CDH13: variants seen among roughly 807,000 people sequenced by gnomAD.
The protein encoded by CDH13 is cadherin-13.
In CDH13, 24 loss-of-function variants were observed where a neutral mutation model predicts 63.8. That is an observed-to-expected ratio of 0.38 (90% confidence interval 0.27 to 0.53). CDH13 has a LOEUF of 0.53. Among genes scored for constraint, CDH13 ranks in the 20% least tolerant of loss-of-function variants. CDH13 has a pLI of 0.85. For synonymous variants in CDH13, 503 were observed against 355.3 expected, an observed-to-expected ratio of 1.42 and a Z score of -4.67; for missense variants, 1,049 against 903.1, an observed-to-expected ratio of 1.16 and a Z score of -2.07.
chr16:83,054,418 TG>T (rs1255292476), intron 3 of CDH13, among the ~76,000 whole-genome samples: 1 of 152,240 alleles, frequency 6.6e-6, no homozygotes, highest in African/African-American at 2.4e-5. Flanking sequence ...ATACAAGCAC[TG>T]ATATCTCAGC....
chr16:83,429,511 GACACACAC>G (rs71148834), intron 6 of CDH13, among the ~76,000 whole-genome samples: 2 of 149,022 alleles, frequency 1.3e-5, no homozygotes, highest in African/African-American at 2.5e-5. Flanking sequence ...AGACAATGAA[GACACACAC>G]ACACACACAC....
chr16:83,376,662 A>G (rs2091464706), intron 6 of CDH13, among the ~76,000 whole-genome samples: 2 of 152,186 alleles, frequency 1.3e-5, no homozygotes, highest in African/African-American at 4.8e-5. Flanking sequence ...GATGGTGAGC[A>G]TGAGACATGC....
chr16:82,816,233 C>A (rs2037702432), intron 1 of CDH13, among the ~76,000 whole-genome samples: 1 of 152,126 alleles, frequency 6.6e-6, no homozygotes, highest in Non-Finnish European at 1.5e-5. Context: ...CCTTGTTCTT[C>A]CCACTATCTT....
chr16:83,003,663 G>C (rs1321874667), intron 2 of CDH13, among the ~76,000 whole-genome samples: 1 of 152,152 alleles, frequency 6.6e-6, no homozygotes, highest in African/African-American at 2.4e-5. Context: ...TGGAGAGACA[G>C]GTGGATGAAC....
chr16:83,170,988 G>T (rs184421490), intron 4 of CDH13, among the ~76,000 whole-genome samples: 3 of 151,652 alleles, frequency 2.0e-5, no homozygotes, highest in African/African-American at 4.9e-5. Context: ...CTTTTTACCC[G>T]CCCGCCTCCT....
At chr16:83,645,585 A>G (rs72795359) in intron 8 of CDH13, among the ~76,000 whole-genome samples, 18,532 of 151,388 alleles carry the variant, frequency 0.12, 1,283 homozygotes, top group East Asian at 0.21. Context: ...GTACTCCATC[A>G]GAACACCCCC....
At chr16:82,627,708 C>A (rs1046247638) in intron 1 of CDH13, among the ~76,000 whole-genome samples, 1 of 152,238 alleles carries the variant, frequency 6.6e-6, no homozygotes, top group East Asian at 2.0e-4. Context: ...AGCCTCAGCC[C>A]GGCTGCTGCT....
At chr16:82,706,065 C>G (rs572845236) in intron 1 of CDH13, among the ~76,000 whole-genome samples, 76 of 152,068 alleles carry the variant, frequency 5.0e-4, no homozygotes, top group Non-Finnish European at 8.8e-4. Flanking sequence ...CTTCCTTATT[C>G]TCTCTCTTCC....
chr16:83,266,556 A>G (rs945095499), intron 5 of CDH13, among the ~76,000 whole-genome samples: 1 of 152,220 alleles, frequency 6.6e-6, no homozygotes, highest in Non-Finnish European at 1.5e-5. Flanking sequence ...TAACTAACAC[A>G]GATAAAGTCT....
intron 7 of CDH13, among the ~76,000 whole-genome samples, chr16:83,579,544 C>T (rs992957965): frequency 4.6e-5 from 7 of 152,066 alleles, no homozygotes; most frequent in Non-Finnish European, 7.4e-5. Flanking sequence ...ATCATGAGAC[C>T]AGCAAGGGGG....
intron 7 of CDH13, among the ~76,000 whole-genome samples, chr16:83,549,021 T>A (rs1398996550): frequency 6.6e-6 from 1 of 152,200 alleles, no homozygotes; most frequent in Non-Finnish European, 1.5e-5. Context: ...TTTTCTTCCC[T>A]GTGTGGCTGT....
intron 4 of CDH13, among the ~76,000 whole-genome samples, chr16:83,157,721 C>G (rs1428285151): frequency 6.9e-6 from 1 of 145,328 alleles, no homozygotes; most frequent in Non-Finnish European, 1.5e-5. Flanking sequence ...GGTGAAACCC[C>G]GTCTCTACTA....
At chr16:83,090,108 A>G (rs771219587) in intron 3 of CDH13, among the ~76,000 whole-genome samples, 3 of 152,022 alleles carry the variant, frequency 2.0e-5, no homozygotes, top group African/African-American at 4.8e-5. Context: ...CTGGTCGTCA[A>G]CCCCACCCAC....
chr16:83,159,526 C>G (rs951274584), intron 4 of CDH13, among the ~76,000 whole-genome samples: 1 of 152,246 alleles, frequency 6.6e-6, no homozygotes, highest in African/African-American at 2.4e-5. Flanking sequence ...TTAAACTGGT[C>G]AAGAAGTGAA....
intron 5 of CDH13, among the ~76,000 whole-genome samples, chr16:83,260,103 C>CACACAG (rs1906789623): frequency 9.7e-6 from 1 of 103,152 alleles, no homozygotes; most frequent in East Asian, 3.7e-4. Context: ...CCAATACACA[C>CACACAG]ACACACACAC....
At chr16:83,709,416 G>T (rs909387468) in intron 10 of CDH13, among the ~76,000 whole-genome samples, 2 of 152,158 alleles carry the variant, frequency 1.3e-5, no homozygotes. Flanking sequence ...AATCAGTACG[G>T]TCCATTCAGC....
intron 2 of CDH13, among the ~76,000 whole-genome samples, chr16:82,938,473 G>A (rs2042735755): frequency 1.3e-5 from 2 of 152,196 alleles, no homozygotes; most frequent in African/African-American, 2.4e-5. Context: ...TTTTGACAGA[G>A]TGTCTGAAGT....
chr16:83,672,195 G>T (rs931592830), intron 9 of CDH13, among the ~76,000 whole-genome samples: 3 of 152,114 alleles, frequency 2.0e-5, no homozygotes, highest in Non-Finnish European at 2.9e-5. Flanking sequence ...TAGGGTTGTT[G>T]TTGTAATCCA....
intron 1 of CDH13, among the ~76,000 whole-genome samples, chr16:82,812,065 T>C (rs1285122905): frequency 6.6e-6 from 1 of 152,164 alleles, no homozygotes; most frequent in African/African-American, 2.4e-5. Context: ...ATGAGCAGAC[T>C]ACAAAAAGCT....
Sources: gnomAD v4.1 joint callset for allele counts (sites outside exome capture counted in the v4.1 genomes callset) on GRCh38, gnomAD v4.1.1 for gene constraint, MANE v1.5 for transcripts, NCBI Gene and HGNC (gene_info 2026-07-23, HGNC 2026-07-21) for gene names.